SFI1: variants seen among roughly 807,000 people sequenced by gnomAD.
SFI1 encodes protein SFI1 homolog.
SFI1 carries 195 observed loss-of-function variants against 207.5 expected under a neutral mutation model. That is an observed-to-expected ratio of 0.94 (90% CI 0.84 to 1.06). SFI1 has a LOEUF of 1.06. Among genes scored for constraint, SFI1 ranks in the 50% least tolerant of loss-of-function variants. SFI1 has a pLI of 0.00. For missense variants in SFI1, 1,634 were observed against 1,588.0 expected, an observed-to-expected ratio of 1.03 and a Z score of -0.49; for synonymous variants, 630 against 598.9, an observed-to-expected ratio of 1.05 and a Z score of -0.76.
intron 15 of SFI1, among the ~76,000 whole-genome samples, chr22:31,593,135 A>AC (rs546470043): frequency 0.072 from 7,177 of 100,054 alleles, 237 homozygotes; most frequent in South Asian, 0.18. Context: ...CGGGGGGCTG[A>AC]CCCCCCCCCA....
At chr22:31,504,301 T>C (rs768230137) in intron 1 of SFI1, among the ~76,000 whole-genome samples, 7 of 152,234 alleles carry the variant, frequency 4.6e-5, no homozygotes, top group Non-Finnish European at 5.9e-5. Context: ...TAATCACTTA[T>C]GATGACCTCT....
intron 21 of SFI1, 182 bp from the exon 22 acceptor site, chr22:31,607,755 G>T (rs2069304361): frequency 2.0e-6 from 1 of 502,298 alleles, no homozygotes; most frequent in East Asian, 3.2e-5. Context: ...CCTGTGAGGG[G>T]CTGGGGCCCT....
intron 15 of SFI1, among the ~76,000 whole-genome samples, chr22:31,589,785 TATTTA>T (rs1228811849): frequency 4.0e-4 from 59 of 149,028 alleles, no homozygotes; most frequent in African/African-American, 1.0e-3. Flanking sequence ...CATCTTTATT[TATTTA>T]TTTTTTTTGT....
chr22:31,528,626 G>A (rs1444888277), intron 2 of SFI1, 64 bp from the exon 3 acceptor site: 6 of 1,442,792 alleles, frequency 4.2e-6, no homozygotes, highest in Non-Finnish European at 4.8e-6. Context: ...TATATTAAAA[G>A]TATTTGCATC....
At chr22:31,527,503 G>A (rs1273430593) in intron 2 of SFI1, among the ~76,000 whole-genome samples, 1 of 152,202 alleles carries the variant, frequency 6.6e-6, no homozygotes, top group South Asian at 2.1e-4. Context: ...GGAAGGCTTA[G>A]TTGGGAGGAT....
At position 31,508,240 on chromosome 22, in the gene SFI1, CTCTTTT is replaced by C. The variant is rs976184238; in HGVS notation, c.-30-10_-30-5del. 6 of 1,402,454 alleles carry C rather than the reference CTCTTTT, an allele frequency of 4.3e-6. No homozygotes were observed. The highest frequency in any genetic ancestry group is 1.7e-5 in the Admixed American group (1 of 59,444). The allele number at this position is 1,402,454 out of a possible 1,614,324, so 86.9% of individuals were successfully genotyped here. On this transcript the variant is annotated splice_polypyrimidine_tract_variant and intron_variant, in intron 1 of 32. Transcript: ENST00000400288. ...CAAATCATTTTCTCTCTTTTTTATT[CTCTTTT>C]TCTTGTAGTTAGAAGGGGAAGATAA... is the stretch of plus-strand genomic sequence containing the variant.
chr22:31,549,628 G>C (rs1029866274), intron 5 of SFI1, among the ~76,000 whole-genome samples: 1 of 151,878 alleles, frequency 6.6e-6, no homozygotes, highest in East Asian at 1.9e-4. Context: ...GCCTCCCAGA[G>C]TGCTGAGATT....
At chr22:31,531,536 A>T (rs868439594) in intron 4 of SFI1, among the ~76,000 whole-genome samples, 48 of 151,648 alleles carry the variant, frequency 3.2e-4, no homozygotes, top group African/African-American at 1.1e-3. Flanking sequence ...GAGGCGGGTG[A>T]ATCATCTGAG....
chr22:31,561,506 A>T, intron 8 of SFI1, 114 bp downstream of exon 8: 1 of 836,680 alleles, frequency 1.2e-6, no homozygotes, highest in Non-Finnish European at 1.8e-6. Flanking sequence ...GGGGGTGGGG[A>T]CAGAGGTAAT....
At position 31,613,037 on chromosome 22, in the gene SFI1, T is replaced by G. The variant is rs896416689; in HGVS notation, c.2491-105T>G. The G allele has an allele frequency of 2.4e-6, 3 of 1,248,994 alleles. No individual in the cohort carries two copies. The African/African-American group carries it at 4.5e-5, about 19-fold the overall frequency. The allele number at this position is 1,248,994 out of a possible 1,614,324, so 77.4% of individuals were successfully genotyped here. On this transcript the variant is annotated intron_variant, in intron 24 of 32. Coordinates refer to ENST00000400288, the MANE Select transcript of SFI1 (RefSeq NM_001007467.3). ...CTTCCTAGTGGAGGAAGTGGGAGCC[T>G]CGACTAGAGAGGGAGCCAAGAGGGA... is the stretch of plus-strand genomic sequence containing the variant.
At chr22:31,514,901 A>G (rs1005045679) in intron 2 of SFI1, among the ~76,000 whole-genome samples, 1 of 151,608 alleles carries the variant, frequency 6.6e-6, no homozygotes, top group Non-Finnish European at 1.5e-5. Flanking sequence ...CCTCTTGAGT[A>G]GTTGGGACTA....
chr22:31,501,164 T>C (rs2053697968), intron 1 of SFI1, among the ~76,000 whole-genome samples: 1 of 150,952 alleles, frequency 6.6e-6, no homozygotes, highest in Admixed American at 6.6e-5. Context: ...TAACTACAAG[T>C]GTAGACATAA....
At chr22:31,591,833 A>C (rs2146517082) in intron 15 of SFI1, among the ~76,000 whole-genome samples, 1 of 66,962 alleles carries the variant, frequency 1.5e-5, no homozygotes, top group East Asian at 5.3e-4. Flanking sequence ...GGGGCTCCTC[A>C]CTTCCCAGTA....
intron 12 of SFI1, among the ~76,000 whole-genome samples, chr22:31,582,236 ATTTTTTTT>A (rs1161846940): frequency 4.7e-3 from 48 of 10,120 alleles, no homozygotes; most frequent in African/African-American, 9.2e-3. Context: ...ATATATATAT[ATTTTTTTT>A]TTTTTTTTTT....
chr22:31,606,380 A>C lies in SFI1; in HGVS notation c.2107A>C (p.Lys703Gln), dbSNP rs548693448. 3 of 1,613,246 alleles carry C rather than the reference A, an allele frequency of 1.9e-6. No homozygotes were observed. Among genetic ancestry groups the C allele is most frequent in the South Asian group, 1.1e-5 (1 of 91,060 alleles). Residue 703 changes from lysine to glutamine, a missense_variant, in exon 21 of 33, where the codon AAA becomes CAA. By Grantham distance (53) the Lys-to-Gln change is moderately conservative. Transcript: ENST00000400288. The stretch of plus-strand genomic sequence containing the variant: ...CACCATGGCCCGAGTGGATGAAGCC[A>C]AAAAAACCTTTCAAGCAAGTACTCA... ...ENTMARVDEA[K>Q]KTFQASTHYR... is the part of the protein sequence containing the mutation.
Position 31,575,296 on chromosome 22 carries a change from T to C in SFI1, c.988T>C (p.Trp330Arg), listed in dbSNP as rs16989291. The change falls in exon 10 of 33, where the codon TGG (tryptophan) becomes CGG (arginine). Residue 330 changes from tryptophan (W) to arginine (R), a missense_variant. Transcript: ENST00000400288. ...QIYFCDWQQA[W>R]ERRESLYAHH... ...ATACTTCTGTGACTGGCAGCAGGCC[T>C]GGGAGCGGAGGGAGAGCTTGTACGC... is the stretch of plus-strand genomic sequence containing the variant. The C allele has an allele frequency of 0.069, 111,162 of 1,612,750 alleles. 4,509 individuals carry two copies. Among genetic ancestry groups the C allele is most frequent in the Admixed American group, 0.18 (10,585 of 59,658 alleles).
intron 1 of SFI1, among the ~76,000 whole-genome samples, chr22:31,506,939 G>A (rs917133675): frequency 6.6e-6 from 1 of 152,128 alleles, no homozygotes; most frequent in African/African-American, 2.4e-5. Context: ...ACTGCCCAAA[G>A]CAATTTACAG....
At chr22:31,559,682 A>C in intron 7 of SFI1, 1 of 777,112 alleles carries the variant, frequency 1.3e-6, no homozygotes, top group Non-Finnish European at 2.3e-6. Context: ...GGAACGTGTG[A>C]TGACCATTAT....
At chr22:31,592,766 C>T (rs1378555566) in intron 15 of SFI1, among the ~76,000 whole-genome samples, 36 of 119,604 alleles carry the variant, frequency 3.0e-4, no homozygotes, top group Non-Finnish European at 5.3e-4. Flanking sequence ...CGGGCAGAGG[C>T]GCCCCTCACC....
Sources: gnomAD v4.1 joint callset for allele counts (sites outside exome capture counted in the v4.1 genomes callset) on GRCh38, gnomAD v4.1.1 for gene constraint, MANE v1.5 for transcripts, NCBI Gene and HGNC (gene_info 2026-07-23, HGNC 2026-07-21) for gene names.